FAM227A: variants seen among roughly 807,000 people sequenced by gnomAD.
The protein encoded by FAM227A is protein FAM227A.
A neutral mutation model predicts 74.7 loss-of-function variants in FAM227A; 80 were observed. That is an observed-to-expected ratio of 1.07 (90% CI 0.89 to 1.29). The LOEUF is 1.29. Ranked by LOEUF, FAM227A falls within the 50% of genes most tolerant of loss-of-function variation. The pLI is 0.00. For missense variants in FAM227A, 654 were observed against 683.4 expected, an observed-to-expected ratio of 0.96 and a Z score of 0.48; for synonymous variants, 237 against 241.8, an observed-to-expected ratio of 0.98 and a Z score of 0.19.
At chr22:38,632,644 G>A (rs952115626) in intron 6 of FAM227A, among the ~76,000 whole-genome samples, 1 of 152,136 alleles carries the variant, frequency 6.6e-6, no homozygotes, top group Admixed American at 6.6e-5. Context: ...AGAGAGAGAC[G>A]ACAGAGAGTA....
intron 15 of FAM227A, among the ~76,000 whole-genome samples, chr22:38,596,363 T>A (rs940267934): frequency 1.3e-5 from 2 of 152,010 alleles, no homozygotes; most frequent in African/African-American, 4.8e-5. Flanking sequence ...CTTGATTGGA[T>A]CCTGGAGCAG....
At position 38,584,235 on chromosome 22, in the gene FAM227A, G is replaced by A. The variant is rs1828967767; in HGVS notation, c.*1890C>T. 6.6e-6 allele frequency: 1 copy of A among 152,046 alleles called. No individual in the cohort carries two copies. The highest frequency in any genetic ancestry group is 1.5e-5 in the Non-Finnish European group (1 of 68,038). 9.4% of individuals were successfully genotyped at this position (152,046 alleles called of 1,614,324 possible). A position where few individuals can be genotyped will look rare whatever the true frequency, so the allele number is the denominator to read the frequency against. ...AGGGACTGTGTCTTTATTTATCTCT[G>A]TATTCACAGGGCCTAGTGCAGGGAT... On this transcript the variant is annotated 3_prime_UTR_variant, in exon 17 of 17. Transcript: ENST00000535113.
chr22:38,587,626 T>G (rs2090838207), intron 16 of FAM227A, among the ~76,000 whole-genome samples: 2 of 152,182 alleles, frequency 1.3e-5, no homozygotes, highest in African/African-American at 4.8e-5. Flanking sequence ...ACTACAGGGC[T>G]TCATTTGTGA....
At chr22:38,600,905 T>C (rs1005240876) in intron 13 of FAM227A, among the ~76,000 whole-genome samples, 2 of 151,224 alleles carry the variant, frequency 1.3e-5, no homozygotes, top group Non-Finnish European at 2.9e-5. Context: ...TGAGCCGAGA[T>C]TGCACCATTG....
At chr22:38,590,243 G>A (rs9607553) in intron 16 of FAM227A, among the ~76,000 whole-genome samples, 53,848 of 143,992 alleles carry the variant, frequency 0.37, 10,370 homozygotes, top group African/African-American at 0.5. Flanking sequence ...TTGTGCCACT[G>A]CACTCCAGCC....
Position 38,630,484 on chromosome 22 carries a change from G to C in FAM227A, c.520-1549C>G, listed in dbSNP as rs77102519. Among the ~76,000 whole-genome samples the C allele has an allele frequency of 3.5e-3, 531 of 152,240 alleles. 4 individuals carry two copies. The highest frequency in any genetic ancestry group is 0.012 in the African/African-American group (514 of 41,538). On this transcript the variant is annotated intron_variant, in intron 6 of 16. Transcript: ENST00000535113. ...AAAGTTACTGAACCCCTCTGTGCTC[G>C]ATTCTTTCACAAAACACATGGAGAT...
At chr22:38,654,088 C>T (rs1269519102) in intron 1 of FAM227A, among the ~76,000 whole-genome samples, 2 of 152,154 alleles carry the variant, frequency 1.3e-5, no homozygotes, top group East Asian at 1.9e-4. Flanking sequence ...GTGGCTCACA[C>T]CTGTAATCCC....
At chr22:38,614,099 C>T (rs1281490667) in intron 11 of FAM227A, among the ~76,000 whole-genome samples, 1 of 152,102 alleles carries the variant, frequency 6.6e-6, no homozygotes, top group Non-Finnish European at 1.5e-5. Context: ...GATTCTAGTC[C>T]ATGCCTAATT....
At chr22:38,620,162 T>C (rs1395514654) in intron 11 of FAM227A, 50 bp downstream of exon 11, 2 of 1,345,416 alleles carry the variant, frequency 1.5e-6, no homozygotes, top group East Asian at 5.0e-5. Flanking sequence ...CGAGGGTTCC[T>C]GAAGCTTATG....
intron 16 of FAM227A, among the ~76,000 whole-genome samples, chr22:38,588,860 G>A (rs1224561372): frequency 1.3e-5 from 2 of 150,386 alleles, no homozygotes; most frequent in Non-Finnish European, 3.0e-5. Flanking sequence ...GCTGGGAGGC[G>A]GAGGTTGCAG....
intron 11 of FAM227A, among the ~76,000 whole-genome samples, chr22:38,612,871 C>T (rs75915291): frequency 3.0e-4 from 46 of 150,964 alleles, no homozygotes; most frequent in African/African-American, 1.1e-3. Flanking sequence ...GAAGCTAACA[C>T]GGAGACTCTT....
chr22:38,638,818 CTT>C lies in FAM227A; in HGVS notation c.298_299del (p.Lys100GlufsTer29). 6.5e-7 allele frequency: 1 copy of C among 1,533,902 alleles called. No homozygotes were observed. The highest frequency in any genetic ancestry group is 8.8e-7 in the Non-Finnish European group (1 of 1,140,240). ...AGGAATACTGAGATTTCCTTTGTCT[CTT>C]GACTGCAGAAAAATGGAGAAAGAGA... ...KTRSSPEDKV[K>X]RQRKSQYSCK... On this transcript the variant is annotated frameshift_variant and splice_region_variant, in exon 5 of 17. Coordinates refer to ENST00000535113, the MANE Select transcript of FAM227A (RefSeq NM_001013647.2). LOFTEE classifies it high-confidence loss of function.
intron 1 of FAM227A, among the ~76,000 whole-genome samples, chr22:38,654,775 C>CAA (rs34383650): frequency 6.8e-4 from 58 of 84,920 alleles, no homozygotes; most frequent in African/African-American, 2.0e-3. Flanking sequence ...CTAAAAATAC[C>CAA]AAAAAAAAAA....
chr22:38,582,891 C>T lies in FAM227A; in HGVS notation c.*3234G>A, dbSNP rs758483858. The stretch of plus-strand genomic sequence containing the variant: ...CTCCTGGTATATTAGGGAAGGCTCC[C>T]AAGATGAGGGACGTCTAAGCGGGGT... On this transcript the variant is annotated 3_prime_UTR_variant, in exon 17 of 17. Transcript: ENST00000535113. The T allele has an allele frequency of 1.3e-6, 2 of 1,550,464 alleles. No individual in the cohort carries two copies. The highest frequency in any genetic ancestry group is 2.4e-5 in the South Asian group (2 of 84,056).
At chr22:38,626,891 A>AATATATATATATATATAT (rs1555966997) in intron 8 of FAM227A, among the ~76,000 whole-genome samples, 10 of 57,680 alleles carry the variant, frequency 1.7e-4, no homozygotes, top group East Asian at 1.1e-3. Context: ...AAAAAAAAAA[A>AATATATATATATATATAT]ATATATATAT....
In FAM227A at chr22:38,580,252, A is replaced by C. The variant is rs1426882405; in HGVS notation, c.*5873T>G. 1 of 151,994 alleles carries C rather than the reference A, an allele frequency of 6.6e-6. No individual in the cohort carries two copies. Among genetic ancestry groups the C allele is most frequent in the Non-Finnish European group, 1.5e-5 (1 of 67,994 alleles). The allele number at this position is 151,994 out of a possible 1,614,324, so 9.4% of individuals were successfully genotyped here. ...TCCTCTTTTAAGTCTCTTTTAATCT[A>C]TATATTCCCCCTCTCTTTTTCCCTT... is the stretch of plus-strand genomic sequence containing the variant. On this transcript the variant is annotated 3_prime_UTR_variant, in exon 17 of 17. Coordinates refer to ENST00000535113, the MANE Select transcript of FAM227A (RefSeq NM_001013647.2).
chr22:38,632,427 C>T (rs73415429), intron 6 of FAM227A, among the ~76,000 whole-genome samples: 3,241 of 152,066 alleles, frequency 0.021, 108 homozygotes, highest in African/African-American at 0.075. Context: ...AGTCCTTTCG[C>T]CCCCTCTCTT....
chr22:38,595,732 CATG>C (rs1269111511), intron 15 of FAM227A, among the ~76,000 whole-genome samples: 4 of 152,226 alleles, frequency 2.6e-5, no homozygotes, highest in Non-Finnish European at 4.4e-5. Context: ...AGCAACCTGA[CATG>C]ATATGCCTCC....
At chr22:38,607,292 G>C (rs576720016) in intron 12 of FAM227A, 97 bp downstream of exon 12, 1 of 830,442 alleles carries the variant, frequency 1.2e-6, no homozygotes, top group East Asian at 2.7e-5. Flanking sequence ...TATAAAGTAG[G>C]TCAGCAAATT....
Sources: allele counts gnomAD v4.1 joint callset (sites outside exome capture counted in the v4.1 genomes callset), GRCh38; gene constraint gnomAD v4.1.1; transcripts MANE v1.5; gene names NCBI Gene and HGNC (gene_info 2026-07-23, HGNC 2026-07-21).